Variants in RBM26 observed in about 807,000 individuals in gnomAD.
RBM26 encodes the protein RNA binding motif protein 26.
Under a neutral mutation model 123.6 loss-of-function variants are expected in RBM26, and 30 were observed. The ratio of observed to expected loss-of-function variants is 0.24; its 90% CI spans 0.18 to 0.33. RBM26 has a LOEUF of 0.33. Among genes scored for constraint, RBM26 ranks in the 10% least tolerant of loss-of-function variants. The pLI, the probability that RBM26 is intolerant of heterozygous loss-of-function variation, is 1.00. For synonymous variants in RBM26, 400 were observed against 404.4 expected, an observed-to-expected ratio of 0.99 and a Z score of 0.13; for missense variants, 947 against 1,203.6, an observed-to-expected ratio of 0.79 and a Z score of 3.15.
At position 79,350,304 on chromosome 13, in the gene RBM26, T is replaced by C. The variant is rs149250518; in HGVS notation, c.2058+2849A>G. On this transcript the variant is annotated intron_variant, in intron 14 of 21. Coordinates refer to ENST00000438737, the MANE Select transcript of RBM26 (RefSeq NM_001366735.2). ...TTTAAAGCTGATATGATAAAGAAGA[T>C]TAAATATTCCACTGGTTACGCAGTT... is the stretch of plus-strand genomic sequence containing the variant. Among the ~76,000 whole-genome samples the C allele has an allele frequency of 2.0e-3, 297 of 152,292 alleles. 1 individual carries two copies. Among genetic ancestry groups the C allele is most frequent in the African/African-American group, 6.9e-3 (288 of 41,570 alleles).
intron 1 of RBM26, among the ~76,000 whole-genome samples, chr13:79,393,301 A>G (rs1365445349): frequency 6.6e-6 from 1 of 152,168 alleles, no homozygotes; most frequent in South Asian, 2.1e-4. Flanking sequence ...GCAATTCAAA[A>G]ACCTGGAACC....
intron 9 of RBM26, among the ~76,000 whole-genome samples, chr13:79,360,708 TA>T (rs58443748): frequency 0.5 from 76,301 of 151,516 alleles, 19,568 homozygotes; most frequent in Middle Eastern, 0.6. Context: ...ATACTTGCTT[TA>T]AAAAAGGAAA....
At chr13:79,315,068 T>C (rs1405116985), downstream of RBM26, 7 of 820,970 alleles carry the variant, frequency 8.5e-6, no homozygotes, top group African/African-American at 5.4e-5. Context: ...ACATCATAAA[T>C]TGACCTCCAA....
At chr13:79,315,346 T>C (rs1423864833), downstream of RBM26, among the ~76,000 whole-genome samples, 2 of 151,850 alleles carry the variant, frequency 1.3e-5, no homozygotes, top group Non-Finnish European at 2.9e-5. Context: ...AATTCCAAGA[T>C]GTTGTAAATA....
intron 14 of RBM26, among the ~76,000 whole-genome samples, chr13:79,351,058 G>A (rs1204939098): frequency 6.6e-6 from 1 of 151,986 alleles, no homozygotes; most frequent in African/African-American, 2.4e-5. Flanking sequence ...TATTGCATTA[G>A]CATAATATAT....
intron 18 of RBM26, among the ~76,000 whole-genome samples, chr13:79,340,567 TTC>T (rs1296325380): frequency 6.6e-6 from 1 of 152,006 alleles, no homozygotes; most frequent in South Asian, 2.1e-4. Flanking sequence ...TATTCAAAAA[TTC>T]TCTCTCATAT....
Position 79,319,891 on chromosome 13 carries a change from TTTTTTTCTTTTC to T in RBM26, c.*718_*729del, listed in dbSNP as rs966656919. ...CACCATCTGGAATGGTCTATTTTAA[TTTTTTTCTTTTC>T]TTTTTTCTTTTCTTTTTTTTTTTAA... On this transcript the variant is annotated 3_prime_UTR_variant, in exon 22 of 22. Transcript: ENST00000438737. 1.1e-4 allele frequency: 107 copies of T among 967,946 alleles called. No individual in the cohort carries two copies. Among genetic ancestry groups the T allele is most frequent in the Middle Eastern group, 1.1e-3 (2 of 1,892 alleles). The allele number at this position is 967,946 out of a possible 1,614,324, so 60.0% of individuals were successfully genotyped here.
At chr13:79,342,547 A>C in intron 17 of RBM26, 117 bp downstream of exon 17, 1 of 772,654 alleles carries the variant, frequency 1.3e-6, no homozygotes, top group Non-Finnish European at 2.1e-6. Flanking sequence ...AGAATGGTAC[A>C]TACAATGGTC....
intron 14 of RBM26, among the ~76,000 whole-genome samples, chr13:79,352,274 G>A (rs1020130661): frequency 3.9e-5 from 6 of 152,090 alleles, no homozygotes; most frequent in African/African-American, 1.4e-4. Context: ...AAAGAGCCAT[G>A]GACTAAAAAT....
At position 79,344,447 on chromosome 13, in the gene RBM26, G is replaced by A. The variant is rs182119972; in HGVS notation, c.2185-125C>T. The A allele has an allele frequency of 6.8e-5, 60 of 876,512 alleles. No homozygotes were observed. In the East Asian group the frequency reaches 1.1e-3, roughly 17 times the overall value. The allele number at this position is 876,512 out of a possible 1,614,324, so 54.3% of individuals were successfully genotyped here. A position where few individuals can be genotyped will look rare whatever the true frequency, so the allele number is the denominator to read the frequency against. On this transcript the variant is annotated intron_variant, in intron 15 of 21. Coordinates refer to ENST00000438737, the MANE Select transcript of RBM26 (RefSeq NM_001366735.2). ...AAAATTATATGCAAGGCTTTTCTATGTAAAACTTAAAATATGTATGCAAGT... is the reference window on the plus strand; with the variant it reads ...AAAATTATATGCAAGGCTTTTCTATATAAAACTTAAAATATGTATGCAAGT...
intron 5 of RBM26, among the ~76,000 whole-genome samples, chr13:79,369,690 T>C (rs1029766321): frequency 1.3e-5 from 2 of 152,204 alleles, no homozygotes; most frequent in Non-Finnish European, 2.9e-5. Context: ...ACATCTTACT[T>C]TCAATAACAT....
chr13:79,337,733 A>C (rs909479957), intron 18 of RBM26, among the ~76,000 whole-genome samples: 1 of 152,212 alleles, frequency 6.6e-6, no homozygotes, highest in African/African-American at 2.4e-5. Flanking sequence ...AGGTACAGTT[A>C]TCTCAAATCA....
At position 79,371,138 on chromosome 13, in the gene RBM26, A is replaced by T. The variant is rs1335569938; in HGVS notation, c.441T>A (p.Asp147Glu). Residue 147 changes from aspartate to glutamate, a missense_variant, in exon 5 of 22, where the codon GAT becomes GAA. Physicochemically the swap from Asp to Glu is conservative, Grantham distance 45 (BLOSUM62 2). Coordinates refer to ENST00000438737, the MANE Select transcript of RBM26 (RefSeq NM_001366735.2). ...ENRSRDERKK[D>E]DRSRKRDYDR... ...CATAATCTCTTTTGCGAGAACGATCATCTTTTTTCCTCTCATCACGGCTTC... is the reference window on the plus strand; with the variant it reads ...CATAATCTCTTTTGCGAGAACGATCTTCTTTTTTCCTCTCATCACGGCTTC... 6.2e-7 allele frequency: 1 copy of T among 1,614,066 alleles called. No individual in the cohort carries two copies. Among genetic ancestry groups the T allele is most frequent in the South Asian group, 1.1e-5 (1 of 91,080 alleles).
In RBM26 at chr13:79,371,830, T is replaced by C. The variant is rs765063856; in HGVS notation, c.416+12A>G. 5 of 1,561,318 alleles carry C rather than the reference T, an allele frequency of 3.2e-6. No homozygotes were observed. The Admixed American group carries it at 8.4e-5, about 26-fold the overall frequency. ...CATCGAAACACTGAGTATGGTTCAATGAACTGCTCACCTATTTTCCCTGTA... is the reference window on the plus strand; with the variant it reads ...CATCGAAACACTGAGTATGGTTCAACGAACTGCTCACCTATTTTCCCTGTA... On this transcript the variant is annotated intron_variant, in intron 4 of 21. Transcript: ENST00000438737.
At chr13:79,366,922 A>AT in intron 6 of RBM26, 50 bp from the exon 7 acceptor site, 1 of 1,443,016 alleles carries the variant, frequency 6.9e-7, no homozygotes, top group African/African-American at 1.4e-5. Flanking sequence ...CTGGAAATAT[A>AT]TATTTTCTCT....
At chr13:79,336,606 T>C (rs1434805136) in intron 19 of RBM26, among the ~76,000 whole-genome samples, 1 of 152,204 alleles carries the variant, frequency 6.6e-6, no homozygotes, top group Non-Finnish European at 1.5e-5. Flanking sequence ...TCCCTTCTTG[T>C]AGGTCAATAT....
rs573327034 is a variant in RBM26, at chr13:79,387,449, T to C, written c.72-8542A>G. 3.9e-5 allele frequency among the ~76,000 whole-genome samples: 6 copies of C among 152,230 alleles called. No homozygotes were observed. In the South Asian group the frequency reaches 1.2e-3, roughly 32 times the overall value. ...CTGGTATTGAAGAAAAGCACTGAAC[T>C]GTACTCCAAAAAACAATTTTCAGAT... On this transcript the variant is annotated intron_variant, in intron 1 of 21. Coordinates refer to ENST00000438737, the MANE Select transcript of RBM26 (RefSeq NM_001366735.2).
intron 1 of RBM26, among the ~76,000 whole-genome samples, chr13:79,391,890 T>C (rs1341095331): frequency 5.3e-5 from 8 of 150,274 alleles, no homozygotes; most frequent in Admixed American, 2.0e-4. Context: ...CTAGGGAGTG[T>C]ATGAACAATC....
chr13:79,315,085 T>C, downstream of RBM26: 3 of 635,218 alleles, frequency 4.7e-6, no homozygotes, highest in Non-Finnish European at 5.0e-6. Flanking sequence ...CCAACTTTTC[T>C]AAACATTAAA....
Sources: gnomAD v4.1 joint callset for allele counts (sites outside exome capture counted in the v4.1 genomes callset) on GRCh38, gnomAD v4.1.1 for gene constraint, MANE v1.5 for transcripts, NCBI Gene and HGNC (gene_info 2026-07-23, HGNC 2026-07-21) for gene names.